MAGI1: variants seen among roughly 807,000 people sequenced by gnomAD.
The protein encoded by MAGI1 is membrane associated guanylate kinase, WW and PDZ domain containing 1.
A neutral mutation model predicts 139.9 loss-of-function variants in MAGI1; 58 were observed. The ratio of observed to expected loss-of-function variants is 0.41; its 90% CI spans 0.34 to 0.52. MAGI1 has a LOEUF of 0.52. MAGI1 is among the 20% of genes least tolerant of loss of function. MAGI1 has a pLI of 0.12. For missense variants in MAGI1, 1,874 were observed against 1,901.6 expected (o/e 0.99, Z 0.27); for synonymous variants, 812 against 737.9 (o/e 1.10, Z -1.63).
chr3:65,369,672 C>T (rs1941793652), intron 18 of MAGI1, among the ~76,000 whole-genome samples: 1 of 152,080 alleles, frequency 6.6e-6, no homozygotes, highest in Admixed American at 6.6e-5. Context: ...CCATGCCTGG[C>T]TAATTTTTTG....
At chr3:65,764,655 G>A (rs2037321917) in intron 1 of MAGI1, among the ~76,000 whole-genome samples, 1 of 152,150 alleles carries the variant, frequency 6.6e-6, no homozygotes, top group South Asian at 2.1e-4. Context: ...GCAGACAGCA[G>A]ACATCTACCA....
At chr3:65,716,690 C>T (rs2032289419) in intron 1 of MAGI1, among the ~76,000 whole-genome samples, 1 of 152,162 alleles carries the variant, frequency 6.6e-6, no homozygotes, top group Non-Finnish European at 1.5e-5. Flanking sequence ...AATAACTCTT[C>T]TTCATGGGAC....
Position 66,038,526 on chromosome 3 carries a change from G to A in MAGI1, c.-218C>T, listed in dbSNP as rs758818669. The A allele has an allele frequency of 1.5e-5, 9 of 588,496 alleles. No homozygotes were observed. The highest frequency in any genetic ancestry group is 2.1e-5 in the Non-Finnish European group (8 of 373,224). 36.5% of individuals were successfully genotyped at this position (588,496 alleles called of 1,614,324 possible). A position where few individuals can be genotyped will look rare whatever the true frequency, so the allele number is the denominator to read the frequency against. ...GCTTCCCCGCGAGCCCCGCACAGGCGCCCGCGAGCTTTGTTTGCATTCCGG... is the reference window on the plus strand; with the variant it reads ...GCTTCCCCGCGAGCCCCGCACAGGCACCCGCGAGCTTTGTTTGCATTCCGG... On this transcript the variant is annotated 5_prime_UTR_variant, in exon 1 of 23. Coordinates refer to ENST00000402939, the MANE Select transcript of MAGI1 (RefSeq NM_001033057.2).
chr3:65,971,045 A>C (rs2064991761), intron 1 of MAGI1, among the ~76,000 whole-genome samples: 1 of 152,186 alleles, frequency 6.6e-6, no homozygotes, highest in East Asian at 1.9e-4. Flanking sequence ...TCTACTAAAA[A>C]TACAAAAATT....
chr3:66,006,284 T>A (rs184980608), intron 1 of MAGI1, among the ~76,000 whole-genome samples: 87 of 152,316 alleles, frequency 5.7e-4, no homozygotes, highest in African/African-American at 2.0e-3. Context: ...GCTGAAAAAC[T>A]ATTACTGCCA....
chr3:65,979,728 G>C (rs1409767976), intron 1 of MAGI1, among the ~76,000 whole-genome samples: 1 of 152,138 alleles, frequency 6.6e-6, no homozygotes, highest in Non-Finnish European at 1.5e-5. Context: ...AATCCAAAGG[G>C]TGCTCATAAA....
At position 65,379,534 on chromosome 3, in the gene MAGI1, C is replaced by A. The variant is rs757052038; in HGVS notation, c.2722G>T (p.Val908Leu). 6.2e-7 allele frequency: 1 copy of A among 1,610,140 alleles called. No individual in the cohort carries two copies. The highest frequency in any genetic ancestry group is 1.1e-5 in the South Asian group (1 of 90,998). The change falls in exon 17 of 23, where the codon GTG (valine) becomes TTG (leucine). Residue 908 changes from valine to leucine, a missense_variant. Val to Leu is a conservative substitution (Grantham distance 32, BLOSUM62 1). Coordinates refer to ENST00000402939, the MANE Select transcript of MAGI1 (RefSeq NM_001033057.2). ...VFAVPKTENE[V>L]PSPASSHHSS... The stretch of plus-strand genomic sequence containing the variant: ...TGATGAGAGGAGGCTGGCGAGGGCA[C>A]CTCGTTCTCGGTTTTGGGCACTGTA...
At chr3:65,972,760 T>C (rs1432021587) in intron 1 of MAGI1, among the ~76,000 whole-genome samples, 4 of 152,242 alleles carry the variant, frequency 2.6e-5, no homozygotes, top group Non-Finnish European at 1.5e-5. Context: ...ATTAGGCACA[T>C]ATACGCATAC....
chr3:65,415,994 C>A (rs1334804002), intron 12 of MAGI1, among the ~76,000 whole-genome samples: 11 of 152,050 alleles, frequency 7.2e-5, no homozygotes, highest in Admixed American at 6.5e-4. Context: ...CAATCATCTG[C>A]CATTTTGGTA....
chr3:65,849,272 G>A (rs1407702930), intron 1 of MAGI1, among the ~76,000 whole-genome samples: 4 of 150,878 alleles, frequency 2.7e-5, no homozygotes, highest in Non-Finnish European at 5.9e-5. Context: ...TGATCCACCC[G>A]CCTCAGTCTC....
At chr3:65,889,888 G>A (rs1487924738) in intron 1 of MAGI1, among the ~76,000 whole-genome samples, 1 of 152,198 alleles carries the variant, frequency 6.6e-6, no homozygotes, top group East Asian at 1.9e-4. Flanking sequence ...GTTCACAACA[G>A]AGAAGCATGA....
intron 1 of MAGI1, among the ~76,000 whole-genome samples, chr3:65,696,051 C>A (rs2089153566): frequency 6.6e-6 from 1 of 152,220 alleles, no homozygotes; most frequent in South Asian, 2.1e-4. Flanking sequence ...AATGGCCAGT[C>A]ACCGTCCATC....
intron 1 of MAGI1, among the ~76,000 whole-genome samples, chr3:65,684,559 A>G (rs1473960368): frequency 6.6e-6 from 1 of 152,194 alleles, no homozygotes; most frequent in African/African-American, 2.4e-5. Context: ...TTTTGGTGGT[A>G]TTAGCACTGT....
intron 1 of MAGI1, chr3:65,924,788 A>G (rs2062410095): frequency 6.6e-6 from 1 of 152,376 alleles, no homozygotes; most frequent in Non-Finnish European, 1.5e-5. Context: ...CCTACCTCAT[A>G]AGACTGTTGT....
At chr3:65,515,535 C>A (rs1206592910) in intron 2 of MAGI1, among the ~76,000 whole-genome samples, 2 of 152,248 alleles carry the variant, frequency 1.3e-5, no homozygotes, top group East Asian at 1.9e-4. Context: ...AGGGCCTGAT[C>A]AAATCTTTGG....
chr3:65,980,889 T>A (rs2065538059), intron 1 of MAGI1, among the ~76,000 whole-genome samples: 1 of 152,152 alleles, frequency 6.6e-6, no homozygotes, highest in Admixed American at 6.5e-5. Flanking sequence ...CCAGGTGCAG[T>A]GGCTCATGCC....
chr3:65,762,910 T>G (rs2037152443), intron 1 of MAGI1, among the ~76,000 whole-genome samples: 1 of 152,164 alleles, frequency 6.6e-6, no homozygotes, highest in Non-Finnish European at 1.5e-5. Flanking sequence ...GTGGTCTAAA[T>G]GCAGGCACAA....
chr3:65,800,721 T>A (rs938156119), intron 1 of MAGI1, among the ~76,000 whole-genome samples: 3 of 152,084 alleles, frequency 2.0e-5, no homozygotes, highest in Non-Finnish European at 2.9e-5. Context: ...AAAAATAAAA[T>A]AAAATTTTTA....
At chr3:65,528,198 G>A (rs1474873399) in intron 2 of MAGI1, among the ~76,000 whole-genome samples, 1 of 152,090 alleles carries the variant, frequency 6.6e-6, no homozygotes, top group Non-Finnish European at 1.5e-5. Flanking sequence ...ACTAACAGAA[G>A]CACTTTATTT....
Sources: allele counts gnomAD v4.1 joint callset (sites outside exome capture counted in the v4.1 genomes callset), GRCh38; gene constraint gnomAD v4.1.1; transcripts MANE v1.5; gene names NCBI Gene and HGNC (gene_info 2026-07-23, HGNC 2026-07-21).